The following NEK10 variants were observed in gnomAD, a reference collection of about 807,000 sequenced individuals.
The protein encoded by NEK10 is NIMA related kinase 10.
Under a neutral mutation model 159.8 loss-of-function variants are expected in NEK10, and 122 were observed. The ratio of observed to expected loss-of-function variants is 0.76; its 90% CI spans 0.66 to 0.89. NEK10 has a LOEUF of 0.89. NEK10 is among the 40% of genes least tolerant of loss of function. The probability of loss-of-function intolerance (pLI) is 0.00; values close to 1 mark genes in which losing one functional copy is unlikely to be tolerated. For synonymous variants in NEK10, 466 were observed against 457.1 expected (o/e 1.02, Z -0.25); for missense variants, 1,342 against 1,323.1 (o/e 1.01, Z -0.22).
Position 27,107,367 on chromosome 3 carries a change from C to T in NEK10, c.*3905G>A, listed in dbSNP as rs1463017134. On this transcript the variant is annotated 3_prime_UTR_variant, in exon 36 of 36. Coordinates refer to ENST00000691995, the MANE Select transcript of NEK10 (RefSeq NM_001394966.1). ...CAATATGCAATTTACTGTAATGACA[C>T]ACATAAGAATTCCTTTATCACAAAG... Among the ~76,000 whole-genome samples, 1 of 152,092 alleles carries T rather than the reference C, an allele frequency of 6.6e-6. No homozygotes were observed. The highest frequency in any genetic ancestry group is 2.4e-5 in the African/African-American group (1 of 41,416).
intron 26 of NEK10, among the ~76,000 whole-genome samples, chr3:27,175,681 C>T (rs1947434930): frequency 6.6e-6 from 1 of 152,172 alleles, no homozygotes; most frequent in South Asian, 2.1e-4. Context: ...GGACTATTCG[C>T]AGCAAGCGTG....
At chr3:27,113,724 G>A (rs1324470782) in intron 35 of NEK10, among the ~76,000 whole-genome samples, 1 of 152,082 alleles carries the variant, frequency 6.6e-6, no homozygotes, top group Admixed American at 6.6e-5. Flanking sequence ...AACTAGATCG[G>A]TTTAAAACCT....
In NEK10 at chr3:27,128,272, A is replaced by G. The variant is rs557162820; in HGVS notation, c.3081+3608T>C. 1.5e-3 allele frequency among the ~76,000 whole-genome samples: 233 copies of G among 152,308 alleles called. 1 individual carries two copies. The highest frequency in any genetic ancestry group is 2.3e-3 in the Non-Finnish European group (155 of 68,000). ...GCTGTAATTTGCTGACTTCTAATCTACAGCCTTAATCAGATGTAGATTCAA... is the reference window on the plus strand; with the variant it reads ...GCTGTAATTTGCTGACTTCTAATCTGCAGCCTTAATCAGATGTAGATTCAA... On this transcript the variant is annotated intron_variant, in intron 32 of 35. Transcript: ENST00000691995.
At position 27,109,639 on chromosome 3, in the gene NEK10, G is replaced by C. The variant is rs895540504; in HGVS notation, c.*1633C>G. ...TGTGCTTCCTGCATGAAGAAGAAAT[G>C]TGCCCCTTTCATACACTGAAAGATA... is the stretch of plus-strand genomic sequence containing the variant. On this transcript the variant is annotated 3_prime_UTR_variant, in exon 36 of 36. Coordinates refer to ENST00000691995, the MANE Select transcript of NEK10 (RefSeq NM_001394966.1). 6.6e-6 allele frequency among the ~76,000 whole-genome samples: 1 copy of C among 152,112 alleles called. No homozygotes were observed. Among genetic ancestry groups the C allele is most frequent in the African/African-American group, 2.4e-5 (1 of 41,436 alleles).
chr3:27,368,929 C>T (rs2049307651), intron 1 of NEK10: 1 of 152,276 alleles, frequency 6.6e-6, no homozygotes, highest in Non-Finnish European at 1.5e-5. Flanking sequence ...GAGACACATT[C>T]AGGCTCCATT....
intron 1 of NEK10, among the ~76,000 whole-genome samples, chr3:27,360,394 A>T (rs1052153325): frequency 1.3e-5 from 2 of 152,212 alleles, no homozygotes; most frequent in African/African-American, 4.8e-5. Flanking sequence ...ACAAGAAAAG[A>T]CACTTGCACA....
chr3:27,346,704 A>ACATT (rs2047578356), intron 3 of NEK10, among the ~76,000 whole-genome samples: 1 of 152,204 alleles, frequency 6.6e-6, no homozygotes, highest in South Asian at 2.1e-4. Context: ...GAGTCATCAT[A>ACATT]CATTCATTCA....
intron 30 of NEK10, among the ~76,000 whole-genome samples, chr3:27,158,048 G>A (rs1945663048): frequency 6.6e-6 from 1 of 152,044 alleles, no homozygotes; most frequent in Non-Finnish European, 1.5e-5. Context: ...TATGTGCATT[G>A]GAAAACCAAA....
Position 27,287,740 on chromosome 3 carries a change from A to G in NEK10, c.1747T>C (p.Tyr583His), listed in dbSNP as rs1216352990. Residue 583 changes from tyrosine (Y) to histidine (H), a missense_variant, in exon 20 of 36, where the codon TAT (tyrosine) becomes CAT (histidine). By Grantham distance (83) the Tyr-to-His change is moderately conservative. Coordinates refer to ENST00000691995, the MANE Select transcript of NEK10 (RefSeq NM_001394966.1). ...SELTIIKEQL[Y>H]HPNIVRYYKT... ...TAATAACGTACAATGTTGGGATGAT[A>G]AAGCTATAAGAAAATAAATAACAAA... 3.2e-6 allele frequency: 5 copies of G among 1,560,826 alleles called. No individual in the cohort carries two copies. Among genetic ancestry groups the G allele is most frequent in the Non-Finnish European group, 4.3e-6 (5 of 1,160,098 alleles).
At chr3:27,308,300 C>T (rs2044403522) in intron 10 of NEK10, among the ~76,000 whole-genome samples, 1 of 152,120 alleles carries the variant, frequency 6.6e-6, no homozygotes, top group South Asian at 2.1e-4. Context: ...CCTGGTCTCT[C>T]CCTTGACATG....
intron 1 of NEK10, among the ~76,000 whole-genome samples, chr3:27,356,169 C>G (rs1003832382): frequency 1.3e-5 from 2 of 152,148 alleles, no homozygotes; most frequent in African/African-American, 2.4e-5. Flanking sequence ...ACCAAGCCTA[C>G]TAGCACCTTG....
At chr3:27,336,509 C>G (rs1475803447) in intron 5 of NEK10, among the ~76,000 whole-genome samples, 1 of 151,974 alleles carries the variant, frequency 6.6e-6, no homozygotes, top group East Asian at 1.9e-4. Flanking sequence ...GCCAGCATTA[C>G]CCTAATAACA....
chr3:27,358,799 C>T (rs2048486204), intron 1 of NEK10, among the ~76,000 whole-genome samples: 2 of 152,154 alleles, frequency 1.3e-5, no homozygotes, highest in African/African-American at 4.8e-5. Flanking sequence ...TATGGTAAAT[C>T]GCCCACAAAT....
chr3:27,233,434 A>G (rs1243712916), intron 23 of NEK10, among the ~76,000 whole-genome samples: 1 of 152,050 alleles, frequency 6.6e-6, no homozygotes, highest in Non-Finnish European at 1.5e-5. Context: ...GTGAAAAAGG[A>G]ACATTTTTAC....
chr3:27,257,867 C>A (rs992968742), intron 22 of NEK10, among the ~76,000 whole-genome samples: 1 of 149,752 alleles, frequency 6.7e-6, no homozygotes, highest in Non-Finnish European at 1.5e-5. Flanking sequence ...CGGCTTACTG[C>A]AAGCTCTGCC....
chr3:27,124,355 G>C (rs1941693310), intron 32 of NEK10, among the ~76,000 whole-genome samples: 2 of 152,130 alleles, frequency 1.3e-5, no homozygotes, highest in Non-Finnish European at 2.9e-5. Context: ...GGCAACCAAA[G>C]GAAGGAATGG....
At chr3:27,258,455 G>C (rs1435771884) in intron 22 of NEK10, among the ~76,000 whole-genome samples, 1 of 147,584 alleles carries the variant, frequency 6.8e-6, no homozygotes, top group African/African-American at 2.5e-5. Context: ...CCACCTATGA[G>C]TGAGAACATG....
At position 27,304,939 on chromosome 3, in the gene NEK10, G is replaced by C; in HGVS notation, c.836C>G (p.Ala279Gly). The change falls in exon 12 of 36, where the codon GCA becomes GGA. Residue 279 changes from alanine (A) to glycine (G), a missense_variant. Transcript: ENST00000691995. ...LTAELLRLLCAEPQVKEQVKL... is the reference protein window; with the variant it reads ...LTAELLRLLCGEPQVKEQVKL... ...CACCTGCTCTTTCACCTGGGGCTCTGCACAAAGTAGGCGCAGCAACTCCGC... is the reference window on the plus strand; with the variant it reads ...CACCTGCTCTTTCACCTGGGGCTCTCCACAAAGTAGGCGCAGCAACTCCGC... The C allele has an allele frequency of 1.2e-6, 2 of 1,612,940 alleles. No individual in the cohort carries two copies. The highest frequency in any genetic ancestry group is 1.7e-6 in the Non-Finnish European group (2 of 1,179,484).
At chr3:27,187,906 G>C (rs540563265) in intron 26 of NEK10, among the ~76,000 whole-genome samples, 2 of 152,242 alleles carry the variant, frequency 1.3e-5, no homozygotes, top group South Asian at 4.1e-4. Flanking sequence ...CCATCATCTA[G>C]CTCCAGCCTA....
Sources: allele counts gnomAD v4.1 joint callset (sites outside exome capture counted in the v4.1 genomes callset), GRCh38; gene constraint gnomAD v4.1.1; transcripts MANE v1.5; gene names NCBI Gene and HGNC (gene_info 2026-07-23, HGNC 2026-07-21).